The following MAP3K20 variants were observed in gnomAD, a reference collection of about 807,000 sequenced individuals.
MAP3K20 encodes mitogen-activated protein kinase kinase kinase 20.
MAP3K20 carries 40 observed loss-of-function variants against 85.7 expected under a neutral mutation model. That is an observed-to-expected ratio of 0.47 (90% CI 0.36 to 0.61). The LOEUF (loss-of-function observed/expected upper bound fraction) is 0.61, where lower values mean the gene tolerates loss of function less well. Ranked by LOEUF, MAP3K20 falls within the 20% of genes least tolerant of loss-of-function variation. The pLI is 0.00. For missense variants in MAP3K20, 817 were observed against 961.7 expected, an observed-to-expected ratio of 0.85 and a Z score of 1.99; for synonymous variants, 325 against 327.7, an observed-to-expected ratio of 0.99 and a Z score of 0.09.
chr2:173,172,702 G>A (rs917314843), intron 3 of MAP3K20, among the ~76,000 whole-genome samples: 1 of 151,958 alleles, frequency 6.6e-6, no homozygotes, highest in Non-Finnish European at 1.5e-5. Flanking sequence ...GAAGGGAAAT[G>A]AACATCTTTC....
At chr2:173,103,210 C>G (rs1687684796) in intron 2 of MAP3K20, among the ~76,000 whole-genome samples, 1 of 152,100 alleles carries the variant, frequency 6.6e-6, no homozygotes, top group Admixed American at 6.5e-5. Context: ...TCCCTAAAAC[C>G]TCAGGATGTC....
chr2:173,209,960 A>G, intron 10 of MAP3K20, 125 bp downstream of exon 10: 1 of 880,150 alleles, frequency 1.1e-6, no homozygotes, highest in Non-Finnish European at 1.8e-6. Context: ...GGGAAAAAGA[A>G]AAGGTTTTTT....
intron 5 of MAP3K20, 43 bp from the exon 6 acceptor site, chr2:173,190,852 A>G (rs755970109): frequency 1.3e-6 from 2 of 1,534,122 alleles, no homozygotes; most frequent in Non-Finnish European, 1.8e-6. Context: ...CAGCTCAAAC[A>G]AATTAGATGA....
chr2:173,243,278 T>C (rs1574151138), intron 16 of MAP3K20, among the ~76,000 whole-genome samples: 1 of 152,296 alleles, frequency 6.6e-6, no homozygotes, highest in East Asian at 1.9e-4. Flanking sequence ...GGGAGGGTCC[T>C]TGAAGTCTTC....
At chr2:173,098,759 T>C (rs998701309) in intron 2 of MAP3K20, among the ~76,000 whole-genome samples, 1 of 152,212 alleles carries the variant, frequency 6.6e-6, no homozygotes, top group Non-Finnish European at 1.5e-5. Flanking sequence ...ATATAAAATT[T>C]TTCTCTCCCC....
intron 3 of MAP3K20, among the ~76,000 whole-genome samples, chr2:173,172,609 T>A (rs1402867497): frequency 6.6e-6 from 1 of 152,016 alleles, no homozygotes; most frequent in Admixed American, 6.6e-5. Context: ...TTGCTGAAAC[T>A]TTTTTATCAC....
At chr2:173,093,627 T>C (rs959418301) in intron 2 of MAP3K20, among the ~76,000 whole-genome samples, 11 of 152,182 alleles carry the variant, frequency 7.2e-5, no homozygotes, top group Admixed American at 2.0e-4. Context: ...TAAAACTTTA[T>C]TTAAAAAAAT....
chr2:173,149,665 CCTGAGTG>C (rs1689244085), intron 2 of MAP3K20, among the ~76,000 whole-genome samples: 2 of 152,052 alleles, frequency 1.3e-5, no homozygotes, highest in Non-Finnish European at 2.9e-5. Flanking sequence ...TGCATTCTTA[CCTGAGTG>C]CTGAGTACTG....
intron 10 of MAP3K20, chr2:173,212,892 A>G (rs1331105468): frequency 2.6e-5 from 4 of 152,250 alleles, no homozygotes; most frequent in African/African-American, 9.6e-5. Flanking sequence ...GGTAAACCAG[A>G]AATGGTATAA....
At chr2:173,230,151 C>G (rs986530404) in intron 12 of MAP3K20, among the ~76,000 whole-genome samples, 1 of 151,844 alleles carries the variant, frequency 6.6e-6, no homozygotes, top group Non-Finnish European at 1.5e-5. Flanking sequence ...GTTTTTAATG[C>G]AATAATGATT....
chr2:173,256,514 T>TAGACAGACAGAC (rs1247379365), intron 16 of MAP3K20, among the ~76,000 whole-genome samples: 137 of 44,986 alleles, frequency 3.0e-3, no homozygotes, highest in African/African-American at 5.9e-3. Flanking sequence ...GATAGATAGA[T>TAGACAGACAGAC]AGATAGATAG....
chr2:173,178,057 A>T (rs1324146507), intron 3 of MAP3K20, among the ~76,000 whole-genome samples: 1 of 152,144 alleles, frequency 6.6e-6, no homozygotes, highest in Non-Finnish European at 1.5e-5. Flanking sequence ...CTTTCCAAAG[A>T]CTAAAGGATT....
chr2:173,086,611 A>G (rs1573999383), intron 1 of MAP3K20, among the ~76,000 whole-genome samples: 2 of 152,208 alleles, frequency 1.3e-5, no homozygotes, highest in East Asian at 3.8e-4. Context: ...GTGTATCACA[A>G]AATAGCAGTG....
rs372053131 is a variant in MAP3K20, at chr2:173,148,865, G to A, written c.160-20940G>A. Among the ~76,000 whole-genome samples, 295 of 152,260 alleles carry A rather than the reference G, an allele frequency of 1.9e-3. 1 individual carries two copies. The highest frequency in any genetic ancestry group is 0.012 in the South Asian group (58 of 4,832). On this transcript the variant is annotated intron_variant, in intron 2 of 19. Transcript: ENST00000375213. The stretch of plus-strand genomic sequence containing the variant: ...TCGATGATGAAGGGAAACCTAAGTG[G>A]GTCCTGAGGTTCCATTAATACCTCT...
At chr2:173,166,533 A>T (rs1226184337) in intron 2 of MAP3K20, 1 of 152,208 alleles carries the variant, frequency 6.6e-6, no homozygotes, top group African/African-American at 2.4e-5. Flanking sequence ...AAATATACAT[A>T]AACATAAAAC....
intron 2 of MAP3K20, among the ~76,000 whole-genome samples, chr2:173,111,111 G>T (rs1687962487): frequency 6.6e-6 from 1 of 151,936 alleles, no homozygotes; most frequent in Admixed American, 6.6e-5. Flanking sequence ...TGATTTTTTT[G>T]ATTATGGCCA....
intron 2 of MAP3K20, among the ~76,000 whole-genome samples, chr2:173,093,823 G>C (rs1173937483): frequency 2.0e-5 from 3 of 151,748 alleles, no homozygotes; most frequent in South Asian, 2.1e-4. Flanking sequence ...AAAATGATGA[G>C]TTCATGTCCT....
rs1486546658 is a variant in MAP3K20, at chr2:173,217,138, A to T, written c.875A>T (p.Glu292Val). The change falls in exon 11 of 20, where the codon GAG becomes GTG. Residue 292 changes from glutamate to valine, a missense_variant. By Grantham distance (121) the Glu-to-Val change is moderately radical. This residue lies in a region of MAP3K20 where 158 missense variants were observed against 162.0 expected (regional missense o/e 0.98). Coordinates refer to ENST00000375213, the MANE Select transcript of MAP3K20 (RefSeq NM_016653.3). ...AGGTGCGAAATTGAGGCAACTCTTG[A>T]GAGGCTAAAGAAACTAGAGCGTGAT... is the stretch of plus-strand genomic sequence containing the variant. Reference protein sequence around the residue: ...EWRCEIEATLERLKKLERDLS... With the variant: ...EWRCEIEATLVRLKKLERDLS... The T allele has an allele frequency of 1.3e-6, 2 of 1,582,640 alleles. No individual in the cohort carries two copies. The highest frequency in any genetic ancestry group is 2.7e-5 in the African/African-American group (2 of 73,640).
intron 3 of MAP3K20, among the ~76,000 whole-genome samples, chr2:173,170,921 G>T (rs1327331178): frequency 6.6e-6 from 1 of 152,164 alleles, no homozygotes; most frequent in Admixed American, 6.5e-5. Flanking sequence ...GGAAGGCTGT[G>T]AGCTGACTGG....
Sources: gnomAD v4.1 joint callset for allele counts (sites outside exome capture counted in the v4.1 genomes callset) on GRCh38, gnomAD v4.1.1 for gene constraint, gnomAD v4.1.1 regional missense constraint, MANE v1.5 for transcripts, NCBI Gene and HGNC (gene_info 2026-07-23, HGNC 2026-07-21) for gene names.